Variants in CRYZL1 observed in about 807,000 individuals in gnomAD.
CRYZL1 encodes the protein ferry endosomal RAB5 effector complex subunit 4.
Under a neutral mutation model 50.6 loss-of-function variants are expected in CRYZL1, and 34 were observed. That is an observed-to-expected ratio of 0.67 (90% CI 0.51 to 0.89). The LOEUF is 0.89. CRYZL1 is among the 40% of genes least tolerant of loss of function. CRYZL1 has a pLI of 0.00. For missense variants in CRYZL1, 354 were observed against 402.3 expected (o/e 0.88, Z 1.03); for synonymous variants, 125 against 134.3 (o/e 0.93, Z 0.48).
At chr21:33,638,201 T>C (rs1406570130) in intron 1 of CRYZL1, among the ~76,000 whole-genome samples, 1 of 150,010 alleles carries the variant, frequency 6.7e-6, no homozygotes, top group African/African-American at 2.5e-5. Context: ...TCCTAATGGG[T>C]CAGGTCTGCT....
At chr21:33,593,982 C>CAAAAAA (rs1167158360) in intron 11 of CRYZL1, among the ~76,000 whole-genome samples, 3 of 48,910 alleles carry the variant, frequency 6.1e-5, no homozygotes, top group Non-Finnish European at 6.8e-5. Context: ...GACTCTGTCT[C>CAAAAAA]AAAAAAAAAA....
chr21:33,630,919 A>G (rs2087130150), intron 2 of CRYZL1, among the ~76,000 whole-genome samples: 1 of 152,190 alleles, frequency 6.6e-6, no homozygotes, highest in African/African-American at 2.4e-5. Context: ...ACATGATCTC[A>G]CTCAAATATG....
intron 10 of CRYZL1, among the ~76,000 whole-genome samples, chr21:33,596,506 C>T (rs777674225): frequency 3.7e-4 from 56 of 151,852 alleles, no homozygotes; most frequent in Admixed American, 1.2e-3. Context: ...GGCGTGGTGG[C>T]GGGCGCCTGT....
At chr21:33,630,360 C>A (rs546008410) in intron 2 of CRYZL1, among the ~76,000 whole-genome samples, 1 of 152,086 alleles carries the variant, frequency 6.6e-6, no homozygotes, top group African/African-American at 2.4e-5. Flanking sequence ...CTGAGGCGAG[C>A]GGATCACCTG....
At chr21:33,633,934 T>A (rs556156291) in intron 1 of CRYZL1, among the ~76,000 whole-genome samples, 2 of 152,320 alleles carry the variant, frequency 1.3e-5, no homozygotes, top group Admixed American at 1.3e-4. Flanking sequence ...CTGTGTTGAA[T>A]GTTAGTGGAT....
rs2086803340 is a variant in CRYZL1, at chr21:33,605,530, C to CTTTTTTTTTTGTTTTTTTTTTTTTT, written c.332-1994_332-1993insAAAAAAAAAAAAAACAAAAAAAAAA. Reference sequence around the variant, plus strand: ...GTAATTTTTCCGCAGTACAAGAATTCTTTTTTTTTTGAGATGGAGTCTCAC... The same window carrying CTTTTTTTTTTGTTTTTTTTTTTTTT: ...GTAATTTTTCCGCAGTACAAGAATTCTTTTTTTTTTGTTTTTTTTTTTTTTTTTTTTTTTTGAGATGGAGTCTCAC... On this transcript the variant is annotated intron_variant, in intron 6 of 12. Transcript: ENST00000381554. 3.8e-5 allele frequency among the ~76,000 whole-genome samples: 2 copies of CTTTTTTTTTTGTTTTTTTTTTTTTT among 53,194 alleles called. 1 individual carries two copies. Among genetic ancestry groups the CTTTTTTTTTTGTTTTTTTTTTTTTT allele is most frequent in the Non-Finnish European group, 6.4e-5 (2 of 31,392 alleles). 34.9% of individuals were successfully genotyped at this position (53,194 alleles called of 152,430 possible). A position where few individuals can be genotyped will look rare whatever the true frequency, so the allele number is the denominator to read the frequency against.
At chr21:33,590,436 A>G (rs1050015093) in intron 12 of CRYZL1, among the ~76,000 whole-genome samples, 12 of 75,958 alleles carry the variant, frequency 1.6e-4, no homozygotes, top group African/African-American at 6.8e-4. Context: ...TTTTTTTCTG[A>G]GACGGAGTTT....
chr21:33,596,302 T>C (rs2086692364), intron 10 of CRYZL1: 1 of 309,760 alleles, frequency 3.2e-6, no homozygotes. Flanking sequence ...TTGCTAAGTA[T>C]ATGTCAACAA....
chr21:33,628,896 C>T (rs934069796), intron 2 of CRYZL1, among the ~76,000 whole-genome samples: 2 of 151,794 alleles, frequency 1.3e-5, no homozygotes, highest in Non-Finnish European at 2.9e-5. Context: ...GGCACCTGGC[C>T]TTTTAATTTC....
intron 1 of CRYZL1, chr21:33,641,041 AG>A (rs1180886448): frequency 6.8e-6 from 9 of 1,315,898 alleles, no homozygotes; most frequent in African/African-American, 1.5e-5. Flanking sequence ...AAATGACATA[AG>A]GGACTCGCAT....
At chr21:33,591,123 AAAAC>A (rs1352784646) in intron 12 of CRYZL1, 35 bp downstream of exon 12, 1 of 1,530,972 alleles carries the variant, frequency 6.5e-7, no homozygotes, top group Non-Finnish European at 9.1e-7. Flanking sequence ...TGAAAATAGA[AAAAC>A]AAACAAGAAC....
At chr21:33,627,402 A>G (rs1350840497) in intron 2 of CRYZL1, among the ~76,000 whole-genome samples, 1 of 152,044 alleles carries the variant, frequency 6.6e-6, no homozygotes, top group Admixed American at 6.6e-5. Flanking sequence ...CCTGGCCTAA[A>G]TGTTTTAGGA....
chr21:33,593,341 C>G (rs1160674956), intron 11 of CRYZL1, among the ~76,000 whole-genome samples: 1 of 152,122 alleles, frequency 6.6e-6, no homozygotes, highest in African/African-American at 2.4e-5. Flanking sequence ...CTCCTGACCT[C>G]GTGATCCGCC....
chr21:33,619,123 T>G (rs2086967672), intron 4 of CRYZL1, among the ~76,000 whole-genome samples: 1 of 152,234 alleles, frequency 6.6e-6, no homozygotes, highest in Non-Finnish European at 1.5e-5. Flanking sequence ...TTGGATCATC[T>G]TCCTTTATCA....
At chr21:33,599,709 G>A (rs1424191994) in intron 8 of CRYZL1, among the ~76,000 whole-genome samples, 3 of 151,538 alleles carry the variant, frequency 2.0e-5, no homozygotes, top group African/African-American at 4.9e-5. Flanking sequence ...ACAGCCCAGT[G>A]CAGCCTTGAA....
intron 11 of CRYZL1, among the ~76,000 whole-genome samples, chr21:33,593,982 C>CAAAAAAAA: frequency 2.0e-5 from 1 of 48,910 alleles, no homozygotes. Context: ...GACTCTGTCT[C>CAAAAAAAA]AAAAAAAAAA....
At position 33,590,407 on chromosome 21, in the gene CRYZL1, CTACTT is replaced by C. The variant is rs2086631926; in HGVS notation, c.951-491_951-487del. Among the ~76,000 whole-genome samples, 6 of 152,108 alleles carry C rather than the reference CTACTT, an allele frequency of 3.9e-5. No homozygotes were observed. The South Asian group carries it at 1.2e-3, about 32-fold the overall frequency. On this transcript the variant is annotated intron_variant, in intron 12 of 12. Transcript: ENST00000381554. ...TTAAGTTTTGAAGGAAAAAAATTAT[CTACTT>C]TATTTACTCCCTCTTTTTTTCTGAG...
At position 33,631,483 on chromosome 21, in the gene CRYZL1, T is replaced by C. The variant is rs758423989; in HGVS notation, c.66+3A>G. 4 of 1,514,824 alleles carry C rather than the reference T, an allele frequency of 2.6e-6. No homozygotes were observed. The highest frequency in any genetic ancestry group is 3.5e-6 in the Non-Finnish European group (4 of 1,134,758). The allele number at this position is 1,514,824 out of a possible 1,614,324, so 93.8% of individuals were successfully genotyped here. On this transcript the variant is annotated splice_donor_region_variant and intron_variant, in intron 2 of 12. Transcript: ENST00000381554. Reference sequence around the variant, plus strand: ...ACTTTAATGATTAAACATTTTTTCTTACCTTTTCTTGAAATACAAATGTTA... The same window carrying C: ...ACTTTAATGATTAAACATTTTTTCTCACCTTTTCTTGAAATACAAATGTTA...
In CRYZL1 at chr21:33,589,593, AG is replaced by A. The variant is rs2086620930; in HGVS notation, c.*228del. On this transcript the variant is annotated 3_prime_UTR_variant, in exon 13 of 13. Transcript: ENST00000381554. ...ATATAGAAACAATGAAAAGGTTTTT[AG>A]AAAAATTCCCTTAAGATGTTAATTA... 1 of 508,212 alleles carries A rather than the reference AG, an allele frequency of 2.0e-6. No homozygotes were observed. The highest frequency in any genetic ancestry group is 3.2e-5 in the East Asian group (1 of 31,010). 31.5% of individuals were successfully genotyped at this position (508,212 alleles called of 1,614,324 possible). A position where few individuals can be genotyped will look rare whatever the true frequency, so the allele number is the denominator to read the frequency against.
Sources: gnomAD v4.1 joint callset for allele counts (sites outside exome capture counted in the v4.1 genomes callset) on GRCh38, gnomAD v4.1.1 for gene constraint, MANE v1.5 for transcripts, NCBI Gene and HGNC (gene_info 2026-07-23, HGNC 2026-07-21) for gene names.